The following CDH13 variants were observed in gnomAD, a reference collection of about 807,000 sequenced individuals.
The protein encoded by CDH13 is cadherin-13.
CDH13 carries 24 observed loss-of-function variants against 63.8 expected under a neutral mutation model. The ratio of observed to expected loss-of-function variants is 0.38; its 90% CI spans 0.27 to 0.53. The LOEUF (loss-of-function observed/expected upper bound fraction) is 0.53. Ranked by LOEUF, CDH13 falls within the 20% of genes least tolerant of loss-of-function variation. The probability of loss-of-function intolerance (pLI) is 0.85; values close to 1 mark genes in which losing one functional copy is unlikely to be tolerated. For synonymous variants in CDH13, 503 were observed against 355.3 expected (o/e 1.42, Z -4.67); for missense variants, 1,049 against 903.1 (o/e 1.16, Z -2.07).
At chr16:82,708,782 C>T (rs1597375306) in intron 1 of CDH13, among the ~76,000 whole-genome samples, 1 of 152,156 alleles carries the variant, frequency 6.6e-6, no homozygotes, top group African/African-American at 2.4e-5. Flanking sequence ...TTTTCTGAGA[C>T]ACCCCTCCCC....
intron 1 of CDH13, among the ~76,000 whole-genome samples, chr16:82,650,474 C>G (rs1376473710): frequency 6.6e-6 from 1 of 152,204 alleles, no homozygotes; most frequent in Non-Finnish European, 1.5e-5. Context: ...CTGCACACCA[C>G]AGACTTGGCA....
chr16:82,977,083 C>G (rs1311551192), intron 2 of CDH13, among the ~76,000 whole-genome samples: 1 of 152,196 alleles, frequency 6.6e-6, no homozygotes, highest in Non-Finnish European at 1.5e-5. Flanking sequence ...AAATATACCT[C>G]TGGAATACAC....
chr16:83,549,539 C>G (rs1021075222), intron 7 of CDH13, among the ~76,000 whole-genome samples: 3 of 151,986 alleles, frequency 2.0e-5, no homozygotes, highest in Non-Finnish European at 4.4e-5. Flanking sequence ...TCTGGGGTCC[C>G]CAGTCTGGCT....
At chr16:83,245,591 A>G (rs1186757324) in intron 5 of CDH13, among the ~76,000 whole-genome samples, 2 of 152,218 alleles carry the variant, frequency 1.3e-5, no homozygotes, top group African/African-American at 2.4e-5. Flanking sequence ...TTAAGTAATC[A>G]TTAGCTTTTT....
intron 7 of CDH13, among the ~76,000 whole-genome samples, chr16:83,535,333 C>CA (rs1360119345): frequency 6.6e-6 from 1 of 152,044 alleles, no homozygotes; most frequent in South Asian, 2.1e-4. Flanking sequence ...TAAAGAATCT[C>CA]AAAAAAAGGA....
At chr16:82,778,700 A>G (rs532249167) in intron 1 of CDH13, among the ~76,000 whole-genome samples, 1 of 152,084 alleles carries the variant, frequency 6.6e-6, no homozygotes, top group Non-Finnish European at 1.5e-5. Context: ...TCCTAAAACT[A>G]GTAGATTTGA....
intron 2 of CDH13, among the ~76,000 whole-genome samples, chr16:82,964,190 A>C (rs1251485924): frequency 1.3e-5 from 2 of 152,146 alleles, no homozygotes; most frequent in African/African-American, 2.4e-5. Context: ...AAACAATCTC[A>C]ATGGTGGAGC....
chr16:83,574,394 C>T (rs1904918503), intron 7 of CDH13, among the ~76,000 whole-genome samples: 1 of 152,140 alleles, frequency 6.6e-6, no homozygotes, highest in Non-Finnish European at 1.5e-5. Context: ...GCCCTCCAGG[C>T]CCTCAGTGGT....
intron 6 of CDH13, among the ~76,000 whole-genome samples, chr16:83,461,096 C>A (rs532051517): frequency 9.9e-4 from 151 of 152,038 alleles, no homozygotes; most frequent in African/African-American, 3.5e-3. Context: ...CACACAGGAG[C>A]TGCAGTGGTA....
intron 5 of CDH13, among the ~76,000 whole-genome samples, chr16:83,302,027 A>T (rs1437518901): frequency 1.3e-5 from 2 of 152,128 alleles, no homozygotes; most frequent in Non-Finnish European, 2.9e-5. Flanking sequence ...AATCCCAGCT[A>T]GTCCATTCCT....
At chr16:83,627,248 C>T (rs145273921) in intron 8 of CDH13, among the ~76,000 whole-genome samples, 47 of 152,182 alleles carry the variant, frequency 3.1e-4, no homozygotes, top group African/African-American at 8.9e-4. Flanking sequence ...CGAGATTGTG[C>T]GCCTGCACTC....
At chr16:83,764,025 C>T (rs1193039682) in intron 11 of CDH13, among the ~76,000 whole-genome samples, 2 of 152,140 alleles carry the variant, frequency 1.3e-5, no homozygotes, top group Non-Finnish European at 2.9e-5. Flanking sequence ...GAAGATAATG[C>T]CATCTGCCTG....
chr16:83,337,106 G>T (rs1163912859), intron 5 of CDH13, among the ~76,000 whole-genome samples: 1 of 152,128 alleles, frequency 6.6e-6, no homozygotes, highest in African/African-American at 2.4e-5. Flanking sequence ...ATTTTTAAGG[G>T]ATTCTTTTCA....
intron 1 of CDH13, among the ~76,000 whole-genome samples, chr16:82,775,430 A>G (rs79603210): frequency 1.5e-3 from 231 of 152,336 alleles, no homozygotes; most frequent in Non-Finnish European, 2.5e-3. Context: ...TCTCTTACGT[A>G]AAATGGTGTG....
chr16:82,887,953 A>G (rs748727897), intron 2 of CDH13, among the ~76,000 whole-genome samples: 4 of 152,148 alleles, frequency 2.6e-5, no homozygotes, highest in Non-Finnish European at 5.9e-5. Context: ...AGCAGTGGTG[A>G]TTGTGATTCT....
intron 2 of CDH13, among the ~76,000 whole-genome samples, chr16:82,949,983 A>C (rs538787437): frequency 6.6e-5 from 10 of 152,158 alleles, no homozygotes; most frequent in Non-Finnish European, 1.0e-4. Flanking sequence ...AGGAATTCAC[A>C]ATGGTTAGTA....
chr16:83,739,619 G>A (rs1272252676), intron 10 of CDH13, among the ~76,000 whole-genome samples: 1 of 152,124 alleles, frequency 6.6e-6, no homozygotes, highest in African/African-American at 2.4e-5. Context: ...GGCAACTAAA[G>A]GGATGGGAAT....
intron 2 of CDH13, among the ~76,000 whole-genome samples, chr16:83,030,847 C>G (rs1416063486): frequency 6.6e-6 from 1 of 151,878 alleles, no homozygotes; most frequent in Admixed American, 6.6e-5. Flanking sequence ...CATTTCCACC[C>G]TTCCCTTCTA....
At chr16:82,640,422 G>A (rs1040896900) in intron 1 of CDH13, among the ~76,000 whole-genome samples, 1 of 152,140 alleles carries the variant, frequency 6.6e-6, no homozygotes, top group African/African-American at 2.4e-5. Flanking sequence ...ATTTAAACCA[G>A]GGGTAGGTAT....
Sources: allele counts gnomAD v4.1 joint callset (sites outside exome capture counted in the v4.1 genomes callset), GRCh38; gene constraint gnomAD v4.1.1; transcripts MANE v1.5; gene names NCBI Gene and HGNC (gene_info 2026-07-23, HGNC 2026-07-21).